The following CLASP2 variants were observed in gnomAD, a reference collection of about 807,000 sequenced individuals.
CLASP2 encodes cytoplasmic linker associated protein 2, also known as CLIP-associating protein 2.
CLASP2 carries 47 observed loss-of-function variants against 194.4 expected under a neutral mutation model. That is an observed-to-expected ratio of 0.24 (90% CI 0.19 to 0.31). The LOEUF is 0.31. Among genes scored for constraint, CLASP2 ranks in the 10% least tolerant of loss-of-function variants. The pLI is 1.00. For missense variants in CLASP2, 1,445 were observed against 1,823.6 expected, an observed-to-expected ratio of 0.79 and a Z score of 3.78; for synonymous variants, 619 against 633.5, an observed-to-expected ratio of 0.98 and a Z score of 0.34.
At chr3:33,538,221 T>C (rs979932774) in intron 33 of CLASP2, among the ~76,000 whole-genome samples, 5 of 152,240 alleles carry the variant, frequency 3.3e-5, no homozygotes, top group African/African-American at 4.8e-5. Context: ...ACTGGTTTTC[T>C]TCCTAGTCCT....
chr3:33,565,795 G>C (rs2062626707), intron 27 of CLASP2, among the ~76,000 whole-genome samples: 2 of 151,610 alleles, frequency 1.3e-5, no homozygotes, highest in African/African-American at 4.8e-5. Context: ...CTGGGTGAAA[G>C]AGCGAGACTC....
chr3:33,717,777 T>G (rs1205135540), intron 1 of CLASP2, 31 bp downstream of exon 1: 1 of 1,546,776 alleles, frequency 6.5e-7, no homozygotes, highest in South Asian at 1.2e-5. Context: ...GCGGAGGGCG[T>G]GACCAGCCCA....
chr3:33,509,413 C>T (rs2049153715), intron 37 of CLASP2, among the ~76,000 whole-genome samples: 1 of 152,194 alleles, frequency 6.6e-6, no homozygotes, highest in Non-Finnish European at 1.5e-5. Flanking sequence ...CAGAGTCTCT[C>T]CATGTTGGTC....
chr3:33,678,800 T>G (rs539181891), intron 6 of CLASP2, among the ~76,000 whole-genome samples: 1 of 152,320 alleles, frequency 6.6e-6, no homozygotes, highest in Non-Finnish European at 1.5e-5. Context: ...TATTCCACAT[T>G]CGTGGATAGG....
intron 27 of CLASP2, chr3:33,564,004 T>C: frequency 2.3e-6 from 1 of 438,020 alleles, no homozygotes; most frequent in South Asian, 1.7e-5. Context: ...TCAAGAAACT[T>C]CTTGGATTGC....
chr3:33,687,145 A>T lies in CLASP2; in HGVS notation c.471-10T>A. Reference sequence around the variant, plus strand: ...TGGCTGAGCCCCAAAACTAAATATAATTTGAGAAAAAAATAAAGAAAATTT... The same window carrying T: ...TGGCTGAGCCCCAAAACTAAATATATTTTGAGAAAAAAATAAAGAAAATTT... On this transcript the variant is annotated splice_polypyrimidine_tract_variant and intron_variant, in intron 4 of 38. Coordinates refer to ENST00000682230, the MANE Select transcript of CLASP2 (RefSeq NM_001365631.1). The T allele has an allele frequency of 6.5e-7, 1 of 1,543,478 alleles. No homozygotes were observed. The highest frequency in any genetic ancestry group is 1.2e-5 in the South Asian group (1 of 82,436).
intron 6 of CLASP2, among the ~76,000 whole-genome samples, chr3:33,670,761 T>C (rs577950824): frequency 6.6e-6 from 1 of 152,268 alleles, no homozygotes; most frequent in Admixed American, 6.5e-5. Flanking sequence ...AGTTAAAAAC[T>C]CCAGGGGACA....
intron 6 of CLASP2, among the ~76,000 whole-genome samples, chr3:33,665,496 G>A (rs1309505772): frequency 6.6e-6 from 1 of 152,116 alleles, no homozygotes; most frequent in Admixed American, 6.5e-5. Flanking sequence ...CATTAACCTT[G>A]CTGCCAGCTC....
At chr3:33,533,192 T>C (rs1038731011) in intron 34 of CLASP2, among the ~76,000 whole-genome samples, 1 of 152,240 alleles carries the variant, frequency 6.6e-6, no homozygotes, top group Non-Finnish European at 1.5e-5. Flanking sequence ...TAGTATTCAA[T>C]GGATACTTTC....
chr3:33,711,863 A>G (rs1397653115), intron 1 of CLASP2, among the ~76,000 whole-genome samples: 6 of 152,214 alleles, frequency 3.9e-5, no homozygotes, highest in Non-Finnish European at 8.8e-5. Context: ...ATAATTAAAG[A>G]GTCAAAAAAC....
intron 24 of CLASP2, chr3:33,574,342 A>G (rs902269539): frequency 1.2e-5 from 7 of 588,696 alleles, no homozygotes; most frequent in Admixed American, 1.0e-4. Context: ...CCATATTTAC[A>G]GAAAAATAGA....
intron 31 of CLASP2, 104 bp from the exon 32 acceptor site, chr3:33,543,643 C>T: frequency 3.0e-6 from 2 of 671,810 alleles, no homozygotes; most frequent in Non-Finnish European, 5.3e-6. Context: ...TATTAAAGGG[C>T]CATATTTACA....
At chr3:33,521,052 G>C (rs2052922011) in intron 34 of CLASP2, among the ~76,000 whole-genome samples, 1 of 152,042 alleles carries the variant, frequency 6.6e-6, no homozygotes, top group African/African-American at 2.4e-5. Flanking sequence ...GCAAGGATGG[G>C]GACATGTTAG....
chr3:33,659,394 G>A, intron 7 of CLASP2: 1 of 1,027,066 alleles, frequency 9.7e-7, no homozygotes, highest in Non-Finnish European at 1.2e-6. Context: ...CATGTGTTCA[G>A]CAATCATTTT....
chr3:33,547,394 C>T (rs2059318362), intron 30 of CLASP2, among the ~76,000 whole-genome samples: 1 of 152,164 alleles, frequency 6.6e-6, no homozygotes, highest in South Asian at 2.1e-4. Flanking sequence ...CTTCCTGAGC[C>T]ACATGAAACT....
At chr3:33,645,811 G>C (rs1186870900) in intron 7 of CLASP2, among the ~76,000 whole-genome samples, 3 of 152,028 alleles carry the variant, frequency 2.0e-5, no homozygotes, top group Non-Finnish European at 4.4e-5. Flanking sequence ...CTTTATTTAA[G>C]CCATAGAAAC....
chr3:33,540,391 C>T (rs2058146104), intron 32 of CLASP2, among the ~76,000 whole-genome samples: 1 of 152,024 alleles, frequency 6.6e-6, no homozygotes, highest in Non-Finnish European at 1.5e-5. Context: ...CACACACCAC[C>T]ATGCTAGGCT....
intron 7 of CLASP2, among the ~76,000 whole-genome samples, chr3:33,656,037 C>A (rs2154327155): frequency 6.6e-6 from 1 of 152,258 alleles, no homozygotes; most frequent in East Asian, 1.9e-4. Flanking sequence ...GTTTTTAACT[C>A]TATCTGGTTT....
intron 18 of CLASP2, 121 bp from the exon 19 acceptor site, chr3:33,596,855 T>A: frequency 1.4e-6 from 1 of 731,976 alleles, no homozygotes; most frequent in Non-Finnish European, 2.2e-6. Flanking sequence ...GACGTATATA[T>A]CAAGCTTGTT....
Sources: gnomAD v4.1 joint callset for allele counts (sites outside exome capture counted in the v4.1 genomes callset) on GRCh38, gnomAD v4.1.1 for gene constraint, MANE v1.5 for transcripts, NCBI Gene and HGNC (gene_info 2026-07-23, HGNC 2026-07-21) for gene names.